The following DDX4 variants were observed in gnomAD, a reference collection of about 807,000 sequenced individuals.
DDX4 encodes the protein probable ATP-dependent RNA helicase DDX4.
Under a neutral mutation model 100.0 loss-of-function variants are expected in DDX4, and 25 were observed. That is an observed-to-expected ratio of 0.25 (90% CI 0.18 to 0.35). DDX4 has a LOEUF of 0.35. DDX4 is among the 10% of genes least tolerant of loss of function. The pLI, the probability that DDX4 is intolerant of heterozygous loss-of-function variation, is 1.00. For missense variants in DDX4, 635 were observed against 882.4 expected (o/e 0.72, Z 3.55); for synonymous variants, 259 against 275.7 (o/e 0.94, Z 0.60).
chr5:55,780,163 T>C lies in DDX4; in HGVS notation c.496+98T>C, dbSNP rs1309506921. On this transcript the variant is annotated intron_variant, in intron 8 of 21. Transcript: ENST00000505374. The stretch of plus-strand genomic sequence containing the variant: ...AAAGAAGGTTGTTATGAGGATTATA[T>C]GAGAATAGCTTAGCTCAGTGACTAA... 5 of 1,521,076 alleles carry C rather than the reference T, an allele frequency of 3.3e-6. No individual in the cohort carries two copies. The East Asian group carries it at 1.2e-4, about 37-fold the overall frequency. The allele number at this position is 1,521,076 out of a possible 1,614,324, so 94.2% of individuals were successfully genotyped here.
chr5:55,792,612 C>T (rs1742650595), intron 16 of DDX4, 29 bp from the exon 17 acceptor site: 7 of 1,254,340 alleles, frequency 5.6e-6, no homozygotes, highest in East Asian at 2.8e-5. Flanking sequence ...TATGCATTTT[C>T]TGTTTTACCT....
rs776797047 is a variant in DDX4 at position 55,787,978 on chromosome 5, G to C, written c.1150G>C (p.Glu384Gln). The change falls in exon 15 of 22, where the codon GAA becomes CAA. Residue 384 changes from glutamate to glutamine, a missense_variant. Transcript: ENST00000505374. The stretch of plus-strand genomic sequence containing the variant: ...AGAATTGGTCAACCAGATTTATTTG[G>C]AAGCCAGAAAATTTTCTTTTGGGTA... ...TRELVNQIYL[E>Q]ARKFSFGTCV... 6.2e-7 allele frequency: 1 copy of C among 1,612,980 alleles called. No homozygotes were observed. The highest frequency in any genetic ancestry group is 8.5e-7 in the Non-Finnish European group (1 of 1,179,620).
In DDX4 at chr5:55,782,252, T is replaced by C. The variant is rs1361975455; in HGVS notation, c.625+271T>C. ...TTTGGAAATAAATGTACAAGGATGT[T>C]CACTGAGATGTCATTTATAATAAGT... is the stretch of plus-strand genomic sequence containing the variant. On this transcript the variant is annotated intron_variant, in intron 10 of 21. Coordinates refer to ENST00000505374, the MANE Select transcript of DDX4 (RefSeq NM_024415.3). 32 of 338,216 alleles carry C rather than the reference T, an allele frequency of 9.5e-5. No individual in the cohort carries two copies. In the Admixed American group the frequency reaches 1.4e-3, roughly 14 times the overall value. The allele number at this position is 338,216 out of a possible 1,614,324, so 21.0% of individuals were successfully genotyped here. A position where few individuals can be genotyped will look rare whatever the true frequency, so the allele number is the denominator to read the frequency against.
chr5:55,780,847 G>C (rs1053208308), intron 8 of DDX4, among the ~76,000 whole-genome samples: 7 of 152,170 alleles, frequency 4.6e-5, no homozygotes, highest in Admixed American at 2.0e-4. Flanking sequence ...ATTATTTGTA[G>C]AGAATTCCTT....
intron 18 of DDX4, among the ~76,000 whole-genome samples, chr5:55,811,196 G>A (rs1378235772): frequency 6.6e-6 from 1 of 152,076 alleles, no homozygotes; most frequent in Non-Finnish European, 1.5e-5. Context: ...TACAAACTGA[G>A]TGACCTTTGC....
intron 16 of DDX4, among the ~76,000 whole-genome samples, chr5:55,791,259 G>A (rs1742541328): frequency 6.6e-6 from 1 of 152,070 alleles, no homozygotes; most frequent in African/African-American, 2.4e-5. Flanking sequence ...AGTACTTTCA[G>A]TTCACCTTAA....
At chr5:55,747,817 C>G (rs951638199) in intron 3 of DDX4, among the ~76,000 whole-genome samples, 2 of 152,132 alleles carry the variant, frequency 1.3e-5, no homozygotes, top group Admixed American at 1.3e-4. Context: ...GTCTCTAAAT[C>G]GAGTTACTAC....
intron 2 of DDX4, chr5:55,742,272 TC>T: frequency 2.2e-6 from 1 of 455,186 alleles, no homozygotes; most frequent in Non-Finnish European, 4.4e-6. Context: ...ATTAGATAAT[TC>T]CGTTGCTTAC....
chr5:55,786,339 T>C (rs1364717401), intron 13 of DDX4, among the ~76,000 whole-genome samples, 179 bp from the exon 14 acceptor site: 2 of 152,226 alleles, frequency 1.3e-5, no homozygotes, highest in African/African-American at 4.8e-5. Context: ...TTCTGTCAAA[T>C]CATATTATAA....
intron 7 of DDX4, among the ~76,000 whole-genome samples, chr5:55,768,364 T>C (rs1458134078): frequency 2.6e-5 from 4 of 152,214 alleles, no homozygotes; most frequent in Non-Finnish European, 5.9e-5. Flanking sequence ...CTCCCACTTA[T>C]AAGTGAGAAC....
At chr5:55,797,819 A>C (rs563296338) in intron 17 of DDX4, among the ~76,000 whole-genome samples, 1 of 152,158 alleles carries the variant, frequency 6.6e-6, no homozygotes, top group Non-Finnish European at 1.5e-5. Flanking sequence ...GGGCAGGCAC[A>C]CCTATCCTGA....
intron 3 of DDX4, among the ~76,000 whole-genome samples, chr5:55,751,520 C>A (rs180928835): frequency 6.6e-6 from 1 of 152,342 alleles, no homozygotes; most frequent in East Asian, 1.9e-4. Flanking sequence ...TAGGCGTGAG[C>A]CACCATGCCC....
At chr5:55,791,927 T>C (rs1373711161) in intron 16 of DDX4, among the ~76,000 whole-genome samples, 1 of 151,942 alleles carries the variant, frequency 6.6e-6, no homozygotes, top group Admixed American at 6.6e-5. Context: ...CTGGTTAACA[T>C]GGTGAAACCC....
chr5:55,793,023 A>AGTGTGTGT lies in DDX4; in HGVS notation c.1469+241_1469+248dup, dbSNP rs10551567. ...TGTTAACATCACATTTTATTTAAAAAGTGTGTGTGTGTGTGTGTGTGTGTG... is the reference window on the plus strand; with the variant it reads ...TGTTAACATCACATTTTATTTAAAAAGTGTGTGTGTGTGTGTGTGTGTGTGTGTGTGTG... On this transcript the variant is annotated intron_variant, in intron 17 of 21. Coordinates refer to ENST00000505374, the MANE Select transcript of DDX4 (RefSeq NM_024415.3). Among the ~76,000 whole-genome samples the AGTGTGTGT allele has an allele frequency of 5.2e-3, 748 of 144,760 alleles. 2 individuals carry two copies. Among genetic ancestry groups the AGTGTGTGT allele is most frequent in the Middle Eastern group, 0.029 (8 of 280 alleles). 95.0% of individuals were successfully genotyped at this position (144,760 alleles called of 152,430 possible). A position where few individuals can be genotyped will look rare whatever the true frequency, so the allele number is the denominator to read the frequency against.
At chr5:55,796,002 G>GT (rs1742907887) in intron 17 of DDX4, among the ~76,000 whole-genome samples, 1 of 152,174 alleles carries the variant, frequency 6.6e-6, no homozygotes, top group Non-Finnish European at 1.5e-5. Flanking sequence ...GAAGCTGCTG[G>GT]TGCAAGTCCC....
chr5:55,792,787 T>G lies in DDX4; in HGVS notation c.1449T>G (p.Thr483=). 7.0e-7 allele frequency: 1 copy of G among 1,435,856 alleles called. No individual in the cohort carries two copies. Among genetic ancestry groups the G allele is most frequent in the Non-Finnish European group, 9.2e-7 (1 of 1,091,044 alleles). 88.9% of individuals were successfully genotyped at this position (1,435,856 alleles called of 1,614,324 possible). A position where few individuals can be genotyped will look rare whatever the true frequency, so the allele number is the denominator to read the frequency against. ...GCCAAACCCTTATGTTCAGTGCAACTTTTCCAGAGGAAATTCAAAGGTTAA... is the reference window on the plus strand; with the variant it reads ...GCCAAACCCTTATGTTCAGTGCAACGTTTCCAGAGGAAATTCAAAGGTTAA... ...EQRQTLMFSA[T]FPEEIQRLAA... The change falls in exon 17 of 22, where the codon ACT becomes ACG. Residue 483 remains threonine, a synonymous_variant. Coordinates refer to ENST00000505374, the MANE Select transcript of DDX4 (RefSeq NM_024415.3).
intron 15 of DDX4, among the ~76,000 whole-genome samples, chr5:55,790,031 G>A (rs1246080875): frequency 1.4e-5 from 2 of 147,578 alleles, no homozygotes; most frequent in Non-Finnish European, 3.0e-5. Flanking sequence ...TTTAAATCAA[G>A]TAAAAGATCT....
intron 17 of DDX4, among the ~76,000 whole-genome samples, chr5:55,797,333 G>C (rs1743026369): frequency 6.6e-6 from 1 of 152,024 alleles, no homozygotes; most frequent in Non-Finnish European, 1.5e-5. Flanking sequence ...GATCTCATAG[G>C]CTAACACCAT....
chr5:55,769,258 G>A (rs924996845), intron 7 of DDX4, among the ~76,000 whole-genome samples: 1 of 152,024 alleles, frequency 6.6e-6, no homozygotes, highest in Non-Finnish European at 1.5e-5. Context: ...GGTTTTACAT[G>A]TTATTCTTTA....
Sources: allele counts gnomAD v4.1 joint callset (sites outside exome capture counted in the v4.1 genomes callset), GRCh38; gene constraint gnomAD v4.1.1; transcripts MANE v1.5; gene names NCBI Gene and HGNC (gene_info 2026-07-23, HGNC 2026-07-21).